Variants in FAM13A observed in about 807,000 individuals in gnomAD.
The protein encoded by FAM13A is protein FAM13A.
Under a neutral mutation model 129.6 loss-of-function variants are expected in FAM13A, and 76 were observed. The ratio of observed to expected loss-of-function variants is 0.59; its 90% CI spans 0.49 to 0.71. The LOEUF (loss-of-function observed/expected upper bound fraction) is 0.71, where lower values mean the gene tolerates loss of function less well. Ranked by LOEUF, FAM13A falls within the 30% of genes least tolerant of loss-of-function variation. The pLI, the probability that FAM13A is intolerant of heterozygous loss-of-function variation, is 0.00. For missense variants in FAM13A, 1,108 were observed against 1,249.3 expected, an observed-to-expected ratio of 0.89 and a Z score of 1.70; for synonymous variants, 443 against 449.9, an observed-to-expected ratio of 0.98 and a Z score of 0.20.
Position 88,878,287 on chromosome 4 carries a change from C to CAA in FAM13A, c.844-27106_844-27105dup, listed in dbSNP as rs56067813. On this transcript the variant is annotated intron_variant, in intron 6 of 23. Coordinates refer to ENST00000264344, the MANE Select transcript of FAM13A (RefSeq NM_014883.4). ...TGGGCGACAGAGTGAGACTCCATCTCAAAAAAAAAAAAAAAAAAAAAAAAA... is the reference window on the plus strand; with the variant it reads ...TGGGCGACAGAGTGAGACTCCATCTCAAAAAAAAAAAAAAAAAAAAAAAAAAA... Among the ~76,000 whole-genome samples the CAA allele has an allele frequency of 3.9e-3, 238 of 61,056 alleles. 26 individuals are homozygous for CAA. The highest frequency in any genetic ancestry group is 0.015 in the African/African-American group (206 of 13,720). 40.1% of individuals were successfully genotyped at this position (61,056 alleles called of 152,430 possible).
At chr4:88,799,901 CT>C (rs1727078024) in intron 8 of FAM13A, among the ~76,000 whole-genome samples, 2 of 152,180 alleles carry the variant, frequency 1.3e-5, no homozygotes, top group African/African-American at 4.8e-5. Flanking sequence ...TGGAAGCAAC[CT>C]AAGTGTCTAT....
At chr4:88,785,766 A>C (rs1723840827) in intron 10 of FAM13A, among the ~76,000 whole-genome samples, 1 of 152,174 alleles carries the variant, frequency 6.6e-6, no homozygotes, top group Non-Finnish European at 1.5e-5. Context: ...TCACTCTTCC[A>C]AAGACCTGGA....
chr4:88,750,364 C>T, intron 15 of FAM13A, 60 bp downstream of exon 15: 1 of 1,360,524 alleles, frequency 7.4e-7, no homozygotes, highest in Non-Finnish European at 1.1e-6. Context: ...CAGTGCCATT[C>T]CTCTTTTCTG....
chr4:88,906,484 A>G, intron 5 of FAM13A, 22 bp from the exon 6 acceptor site: 1 of 1,512,158 alleles, frequency 6.6e-7, no homozygotes, highest in Non-Finnish European at 9.1e-7. Context: ...GTATAAAGGA[A>G]ACATTAGAGA....
chr4:88,878,082 A>G lies in FAM13A; in HGVS notation c.844-26899T>C, dbSNP rs113122490. 5.1e-3 allele frequency among the ~76,000 whole-genome samples: 779 copies of G among 152,034 alleles called. 2 individuals carry two copies. The highest frequency in any genetic ancestry group is 9.2e-3 in the Non-Finnish European group (627 of 67,962). On this transcript the variant is annotated intron_variant, in intron 6 of 23. Transcript: ENST00000264344. ...AGGCGGGCGGATCACGAGGTCAGGA[A>G]ATCAAGACCATCCTGGCTAACACGG... is the stretch of plus-strand genomic sequence containing the variant.
chr4:88,938,816 A>G (rs1288082834), intron 4 of FAM13A, among the ~76,000 whole-genome samples: 2 of 152,232 alleles, frequency 1.3e-5, no homozygotes, highest in Non-Finnish European at 2.9e-5. Context: ...AATATCCCAT[A>G]AACAAGGTAA....
At chr4:89,015,027 G>C (rs536676785) in intron 3 of FAM13A, among the ~76,000 whole-genome samples, 1 of 152,114 alleles carries the variant, frequency 6.6e-6, no homozygotes, top group Non-Finnish European at 1.5e-5. Flanking sequence ...GTTCCTAGGG[G>C]GTGGTCTCTA....
chr4:88,930,298 T>A (rs575808522), intron 5 of FAM13A, among the ~76,000 whole-genome samples: 1 of 152,274 alleles, frequency 6.6e-6, no homozygotes, highest in Admixed American at 6.5e-5. Flanking sequence ...TAATTACACA[T>A]CTGGTATAGT....
chr4:88,946,010 A>G (rs1362496590), intron 4 of FAM13A, among the ~76,000 whole-genome samples: 80 of 109,002 alleles, frequency 7.3e-4, no homozygotes, highest in East Asian at 1.3e-3. Flanking sequence ...ATATATATAT[A>G]TATATATATA....
chr4:88,880,992 A>G (rs1743468540), intron 6 of FAM13A, among the ~76,000 whole-genome samples: 1 of 152,076 alleles, frequency 6.6e-6, no homozygotes, highest in Non-Finnish European at 1.5e-5. Context: ...CCCGCCCAAG[A>G]AGAGTCTGAG....
intron 6 of FAM13A, among the ~76,000 whole-genome samples, chr4:88,870,874 G>T (rs1741268731): frequency 6.6e-6 from 1 of 152,202 alleles, no homozygotes; most frequent in South Asian, 2.1e-4. Context: ...CCAGTAGGGG[G>T]CAACTGACAC....
At chr4:89,036,603 C>A (rs934600430) in intron 1 of FAM13A, among the ~76,000 whole-genome samples, 1 of 152,170 alleles carries the variant, frequency 6.6e-6, no homozygotes, top group African/African-American at 2.4e-5. Context: ...GCTGAACATT[C>A]AGAGGAACTG....
In FAM13A at chr4:88,737,681, A is replaced by C. The variant is rs1021525380; in HGVS notation, c.2563-126T>G. ...CTCTGCATTCTTATCCCTCCCTGCC[A>C]AACACTCCCAGGAAAACCTGAAACA... On this transcript the variant is annotated intron_variant, in intron 20 of 23. Coordinates refer to ENST00000264344, the MANE Select transcript of FAM13A (RefSeq NM_014883.4). 4 of 758,092 alleles carry C rather than the reference A, an allele frequency of 5.3e-6. No individual in the cohort carries two copies. In the African/African-American group the frequency reaches 5.3e-5, roughly 10 times the overall value. 47.0% of individuals were successfully genotyped at this position (758,092 alleles called of 1,614,324 possible).
At position 88,798,433 on chromosome 4, in the gene FAM13A, GA is replaced by G. The variant is rs777326945; in HGVS notation, c.1049+6577del. ...AAAAAGCTGATGAGGGCAGAGAGGT[GA>G]AAAACAATAAAAACACAACTCGGCT... On this transcript the variant is annotated intron_variant, in intron 8 of 23. Transcript: ENST00000264344. Among the ~76,000 whole-genome samples, 136 of 152,216 alleles carry G rather than the reference GA, an allele frequency of 8.9e-4. 1 individual carries two copies. Among genetic ancestry groups the G allele is most frequent in the Non-Finnish European group, 1.1e-3 (75 of 68,008 alleles).
intron 1 of FAM13A, among the ~76,000 whole-genome samples, chr4:89,052,600 G>A (rs1771751905): frequency 6.6e-6 from 1 of 151,698 alleles, no homozygotes; most frequent in Non-Finnish European, 1.5e-5. Flanking sequence ...TTTTTAAACT[G>A]CCTTTGGGGT....
chr4:88,879,330 C>T (rs923029212), intron 6 of FAM13A, among the ~76,000 whole-genome samples: 1 of 152,102 alleles, frequency 6.6e-6, no homozygotes, highest in African/African-American at 2.4e-5. Flanking sequence ...CTCTGCAAAG[C>T]AGGTAGTATA....
At chr4:89,038,552 T>G (rs1291415156) in intron 1 of FAM13A, among the ~76,000 whole-genome samples, 1 of 152,204 alleles carries the variant, frequency 6.6e-6, no homozygotes, top group Non-Finnish European at 1.5e-5. Context: ...TTAGGACAGT[T>G]AGATCACCAA....
chr4:88,779,313 G>A (rs1722379478), intron 11 of FAM13A, among the ~76,000 whole-genome samples: 1 of 152,112 alleles, frequency 6.6e-6, no homozygotes, highest in South Asian at 2.1e-4. Flanking sequence ...AGGTTTTGGA[G>A]GAAAGTTGGG....
chr4:88,873,625 C>G (rs190078823), intron 6 of FAM13A, among the ~76,000 whole-genome samples: 282 of 152,184 alleles, frequency 1.9e-3, no homozygotes, highest in Middle Eastern at 0.01. Context: ...CCAATAACAG[C>G]CTCTGAAATT....
Sources: allele counts gnomAD v4.1 joint callset (sites outside exome capture counted in the v4.1 genomes callset), GRCh38; gene constraint gnomAD v4.1.1; transcripts MANE v1.5; gene names NCBI Gene and HGNC (gene_info 2026-07-23, HGNC 2026-07-21).